INPP5A: variants seen among roughly 807,000 people sequenced by gnomAD.
INPP5A encodes 43 kDa inositol polyphosphate 5-phophatase.
In INPP5A, 14 loss-of-function variants were observed where a neutral mutation model predicts 65.2. The observed-to-expected ratio is 0.21, with a 90% CI of 0.14 to 0.34. INPP5A has a LOEUF of 0.34. Among genes scored for constraint, INPP5A ranks in the 10% least tolerant of loss-of-function variants. The pLI, the probability that INPP5A is intolerant of heterozygous loss-of-function variation, is 1.00. For missense variants in INPP5A, 431 were observed against 545.6 expected (o/e 0.79, Z 2.09); for synonymous variants, 207 against 208.3 (o/e 0.99, Z 0.05).
chr10:132,741,208 C>G lies in INPP5A; in HGVS notation c.733-8309C>G, dbSNP rs2134618329. ...CCATGATCACATCACTGCACTCCAT[C>G]CTGGCCAACAGAGGAGGACCCTGTC... is the stretch of plus-strand genomic sequence containing the variant. On this transcript the variant is annotated intron_variant, in intron 9 of 15. Coordinates refer to ENST00000368594, the MANE Select transcript of INPP5A (RefSeq NM_005539.5). This position sits in a 1 kb window ranked among gnomAD's most constrained non-coding sequence, Gnocchi z 4.4. 6.6e-6 allele frequency among the ~76,000 whole-genome samples: 1 copy of G among 152,304 alleles called. No homozygotes were observed. Among genetic ancestry groups the G allele is most frequent in the Middle Eastern group, 3.4e-3 (1 of 294 alleles).
chr10:132,545,229 G>A lies in INPP5A; in HGVS notation c.75+7058G>A, dbSNP rs1313391422. 7.2e-5 allele frequency among the ~76,000 whole-genome samples: 11 copies of A among 152,180 alleles called. No homozygotes were observed. Among genetic ancestry groups the A allele is most frequent in the Admixed American group, 6.5e-4 (10 of 15,276 alleles). ...AAGAGGCTGGTACTGGGGTGTTTCC[G>A]TGGACTTGTTGGGTCTGATTCAGAA... On this transcript the variant is annotated intron_variant, in intron 1 of 15. Transcript: ENST00000368594. This position sits in a 1 kb window ranked among gnomAD's most constrained non-coding sequence, Gnocchi z 4.6.
At chr10:132,716,895 C>T (rs111463564) in intron 8 of INPP5A, among the ~76,000 whole-genome samples, 28 of 152,328 alleles carry the variant, frequency 1.8e-4, no homozygotes, top group African/African-American at 4.8e-4. Context: ...GCTCCCCGCA[C>T]GACTCTGCCC....
chr10:132,597,182 C>G (rs912513316), intron 1 of INPP5A, among the ~76,000 whole-genome samples: 4 of 152,256 alleles, frequency 2.6e-5, no homozygotes, highest in Admixed American at 2.6e-4. Flanking sequence ...TGTGCGTATG[C>G]ACATGCACTT....
At chr10:132,611,230 G>A (rs964723234) in intron 2 of INPP5A, among the ~76,000 whole-genome samples, 6 of 126,342 alleles carry the variant, frequency 4.7e-5, no homozygotes, top group African/African-American at 1.8e-4. Context: ...TGTCAGAGGA[G>A]GATGAGGGAG....
intron 11 of INPP5A, among the ~76,000 whole-genome samples, chr10:132,756,981 G>A: frequency 6.6e-6 from 1 of 152,118 alleles, no homozygotes; most frequent in South Asian, 2.1e-4. Context: ...ATAAAGAATA[G>A]GCAAAAAGTT....
chr10:132,564,344 A>G (rs955555606), intron 1 of INPP5A, among the ~76,000 whole-genome samples: 3 of 152,102 alleles, frequency 2.0e-5, no homozygotes, highest in African/African-American at 7.2e-5. Flanking sequence ...CGATTCAGGG[A>G]CTGCGCTTCT....
At chr10:132,568,189 CAAAAAAA>C (rs56217302) in intron 1 of INPP5A, among the ~76,000 whole-genome samples, 9 of 61,960 alleles carry the variant, frequency 1.5e-4, no homozygotes, top group African/African-American at 2.5e-4. Context: ...GACTCCGTCT[CAAAAAAA>C]AAAAAAAAAA....
intron 4 of INPP5A, among the ~76,000 whole-genome samples, chr10:132,665,526 T>G (rs1266252117): frequency 2.0e-5 from 3 of 151,956 alleles, no homozygotes; most frequent in Middle Eastern, 3.2e-3. Context: ...GTGAATTGCT[T>G]GAGCTTAGGA....
At chr10:132,699,363 G>T (rs1436273163) in intron 6 of INPP5A, among the ~76,000 whole-genome samples, 370 of 39,652 alleles carry the variant, frequency 9.3e-3, no homozygotes, top group African/African-American at 0.019. Context: ...GTGCTGGGGT[G>T]GGGGGGGGCT....
At chr10:132,565,623 A>G (rs1057139409) in intron 1 of INPP5A, among the ~76,000 whole-genome samples, 1 of 151,776 alleles carries the variant, frequency 6.6e-6, no homozygotes, top group Non-Finnish European at 1.5e-5. Flanking sequence ...GCATGTGTGT[A>G]TGTGTGTATA....
At chr10:132,648,679 A>C (rs905028006) in intron 3 of INPP5A, among the ~76,000 whole-genome samples, 1 of 151,974 alleles carries the variant, frequency 6.6e-6, no homozygotes, top group Non-Finnish European at 1.5e-5. Flanking sequence ...TTTTCCTCTC[A>C]CTACTTTAAT....
chr10:132,558,098 A>T lies in INPP5A; in HGVS notation c.75+19927A>T, dbSNP rs2071150277. On this transcript the variant is annotated intron_variant, in intron 1 of 15. Coordinates refer to ENST00000368594, the MANE Select transcript of INPP5A (RefSeq NM_005539.5). Reference sequence around the variant, plus strand: ...CCACCGTGTCTTCTTAACTGGTAGTAAAAGCCACCTGGCTGTCCAGGTGGA... The same window carrying T: ...CCACCGTGTCTTCTTAACTGGTAGTTAAAGCCACCTGGCTGTCCAGGTGGA... Among the ~76,000 whole-genome samples, 2 of 152,204 alleles carry T rather than the reference A, an allele frequency of 1.3e-5. 1 individual carries two copies. The highest frequency in any genetic ancestry group is 4.1e-4 in the South Asian group (2 of 4,836).
chr10:132,626,573 C>T (rs1027098869), intron 2 of INPP5A, among the ~76,000 whole-genome samples: 7 of 152,232 alleles, frequency 4.6e-5, no homozygotes, highest in South Asian at 2.1e-4. Context: ...TGTTCAAGAT[C>T]GCAGACTGTG....
intron 9 of INPP5A, among the ~76,000 whole-genome samples, chr10:132,745,688 G>A (rs1019680005): frequency 1.3e-4 from 19 of 150,776 alleles, no homozygotes; most frequent in Non-Finnish European, 2.7e-4. Context: ...CTTCAGGCAT[G>A]GTGGCCTCGG....
chr10:132,650,551 T>C lies in INPP5A; in HGVS notation c.306+46T>C, dbSNP rs1175696954. On this transcript the variant is annotated intron_variant, in intron 4 of 15. Transcript: ENST00000368594. This position sits in a 1 kb window ranked among gnomAD's most constrained non-coding sequence, Gnocchi z 5.5. ...GGTGCAGGGGTCAGACAGGCTGGCC[T>C]TGGCAGAAGCCAGCCCTTCTCCTGT... 1.4e-6 allele frequency: 2 copies of C among 1,393,252 alleles called. No homozygotes were observed. Among genetic ancestry groups the C allele is most frequent in the Non-Finnish European group, 2.0e-6 (2 of 982,860 alleles). 86.3% of individuals were successfully genotyped at this position (1,393,252 alleles called of 1,614,324 possible). A position where few individuals can be genotyped will look rare whatever the true frequency, so the allele number is the denominator to read the frequency against.
chr10:132,756,280 G>A (rs535925417), intron 11 of INPP5A, among the ~76,000 whole-genome samples: 39 of 152,158 alleles, frequency 2.6e-4, no homozygotes, highest in African/African-American at 6.7e-4. Context: ...GTACGCATGC[G>A]TGTGCATGTG....
At position 132,644,268 on chromosome 10, in the gene INPP5A, G is replaced by C. The variant is rs1325747814; in HGVS notation, c.118-1600G>C. 6.6e-6 allele frequency among the ~76,000 whole-genome samples: 1 copy of C among 152,210 alleles called. No homozygotes were observed. The highest frequency in any genetic ancestry group is 1.5e-5 in the Non-Finnish European group (1 of 68,032). On this transcript the variant is annotated intron_variant, in intron 2 of 15. Coordinates refer to ENST00000368594, the MANE Select transcript of INPP5A (RefSeq NM_005539.5). The surrounding 1 kb of genome is among the most constrained non-coding windows in gnomAD (Gnocchi z 6.5). ...GCCCACTCGGTGCATCCACGCAGAGGCGGCTGCGAACTCAGGCACGGCCGC... is the reference window on the plus strand; with the variant it reads ...GCCCACTCGGTGCATCCACGCAGAGCCGGCTGCGAACTCAGGCACGGCCGC...
chr10:132,541,110 C>T (rs899932854), intron 1 of INPP5A, among the ~76,000 whole-genome samples: 2 of 152,160 alleles, frequency 1.3e-5, no homozygotes, highest in African/African-American at 4.8e-5. Flanking sequence ...CCTCAGCATC[C>T]TAAGTAGCTG....
chr10:132,664,593 C>G (rs1392958397), intron 4 of INPP5A, among the ~76,000 whole-genome samples: 1 of 152,210 alleles, frequency 6.6e-6, no homozygotes, highest in African/African-American at 2.4e-5. Context: ...GTGTGGCACA[C>G]CGCTGTGTGG....
Sources: allele counts gnomAD v4.1 joint callset (sites outside exome capture counted in the v4.1 genomes callset), GRCh38; gene constraint gnomAD v4.1.1; non-coding constraint Gnocchi (gnomAD v3.1); transcripts MANE v1.5; gene names NCBI Gene and HGNC (gene_info 2026-07-23, HGNC 2026-07-21).